Variants in LOXHD1 observed in about 807,000 individuals in gnomAD.
LOXHD1 encodes lipoxygenase homology PLAT domains 1.
A neutral mutation model predicts 248.2 loss-of-function variants in LOXHD1; 205 were observed. The observed-to-expected ratio is 0.83, with a 90% CI of 0.74 to 0.93. The LOEUF (loss-of-function observed/expected upper bound fraction) is 0.93. Ranked by LOEUF, LOXHD1 falls within the 40% of genes least tolerant of loss-of-function variation. LOXHD1 has a pLI of 0.00. For missense variants in LOXHD1, 2,930 were observed against 2,971.6 expected (o/e 0.99, Z 0.33); for synonymous variants, 1,113 against 1,162.8 (o/e 0.96, Z 0.87).
At chr18:46,583,924 G>A (rs1057236261) in intron 12 of LOXHD1, among the ~76,000 whole-genome samples, 13 of 151,838 alleles carry the variant, frequency 8.6e-5, no homozygotes, top group African/African-American at 3.1e-4. Context: ...ACTTACAATA[G>A]CCAAGATATA....
intron 23 of LOXHD1, among the ~76,000 whole-genome samples, chr18:46,544,100 T>A (rs1444294908): frequency 6.6e-6 from 1 of 152,170 alleles, no homozygotes; most frequent in Non-Finnish European, 1.5e-5. Context: ...CCCCAATAAG[T>A]CCCAGCTCTG....
chr18:46,656,672 G>T (rs910759516), intron 1 of LOXHD1, among the ~76,000 whole-genome samples: 2 of 151,550 alleles, frequency 1.3e-5, no homozygotes, highest in Non-Finnish European at 3.0e-5. Context: ...CTGTTCCACT[G>T]AGAATCGGGG....
intron 4 of LOXHD1, among the ~76,000 whole-genome samples, chr18:46,634,242 C>G (rs112018145): frequency 6.6e-6 from 1 of 152,138 alleles, no homozygotes; most frequent in Non-Finnish European, 1.5e-5. Flanking sequence ...TGCTATTCAG[C>G]CTTAAAAAGG....
intron 26 of LOXHD1, among the ~76,000 whole-genome samples, chr18:46,537,659 T>A (rs779559127): frequency 1.1e-4 from 16 of 152,194 alleles, no homozygotes; most frequent in Non-Finnish European, 1.8e-4. Flanking sequence ...AGCACCTCCA[T>A]TGTCAAGACC....
intron 19 of LOXHD1, 89 bp downstream of exon 19, chr18:46,559,994 G>C (rs2037477993): frequency 1.4e-6 from 2 of 1,413,454 alleles, no homozygotes; most frequent in East Asian, 5.0e-5. Flanking sequence ...CACGTGAGGG[G>C]GATCTAGGCC....
At chr18:46,629,502 A>T (rs923129760) in intron 4 of LOXHD1, among the ~76,000 whole-genome samples, 1 of 152,130 alleles carries the variant, frequency 6.6e-6, no homozygotes, top group Non-Finnish European at 1.5e-5. Flanking sequence ...CAATTTGCAC[A>T]TGCCCCTAAT....
chr18:46,594,967 C>T (rs2038235421), intron 8 of LOXHD1, among the ~76,000 whole-genome samples: 2 of 152,198 alleles, frequency 1.3e-5, no homozygotes, highest in Admixed American at 1.3e-4. Flanking sequence ...ATTTTGAACA[C>T]TCACATTATA....
intron 23 of LOXHD1, among the ~76,000 whole-genome samples, chr18:46,543,755 C>T (rs781491405): frequency 3.9e-5 from 6 of 152,104 alleles, no homozygotes; most frequent in Admixed American, 1.3e-4. Context: ...CAAAATCATC[C>T]GGGAGACAGT....
rs145344725 is a variant in LOXHD1 at position 46,562,969 on chromosome 18, G to C, written c.2598+96C>G. 8.9e-5 allele frequency: 122 copies of C among 1,375,768 alleles called. No homozygotes were observed. The Admixed American group carries it at 2.4e-3, about 27-fold the overall frequency. 85.2% of individuals were successfully genotyped at this position (1,375,768 alleles called of 1,614,324 possible). ...AACTGGAGGGAGGCAGCCCATTCTC[G>C]GGTGAGTATTGACTGAGGAAATTAG... On this transcript the variant is annotated intron_variant, in intron 18 of 40. Coordinates refer to ENST00000642948, the MANE Select transcript of LOXHD1 (RefSeq NM_001384474.1).
intron 10 of LOXHD1, among the ~76,000 whole-genome samples, chr18:46,593,214 A>G (rs998876154): frequency 5.3e-5 from 8 of 152,128 alleles, no homozygotes; most frequent in Admixed American, 4.6e-4. Flanking sequence ...AAGTTCTAAA[A>G]TTCATACTTT....
intron 37 of LOXHD1, among the ~76,000 whole-genome samples, chr18:46,496,436 A>G (rs1052286881): frequency 6.6e-6 from 1 of 152,238 alleles, no homozygotes; most frequent in Admixed American, 6.5e-5. Context: ...AGAAATCCCC[A>G]TCTTTATTGT....
intron 37 of LOXHD1, among the ~76,000 whole-genome samples, chr18:46,490,219 G>T (rs4890659): frequency 1.3e-5 from 2 of 152,040 alleles, no homozygotes; most frequent in African/African-American, 4.8e-5. Context: ...TTATATGTCC[G>T]CAAGGAAACT....
In LOXHD1 at chr18:46,477,669, C is replaced by T; in HGVS notation, c.6625G>A (p.Glu2209Lys). Reference protein sequence around the residue: ...ERGSTDRFFLETLELGELRKV... With the variant: ...ERGSTDRFFLKTLELGELRKV... ...CGCAGCTCACCCAGCTCCAGCGTCT[C>T]CAGGAAGAAGCGGTCTGTGCTGCCC... The change falls in exon 41 of 41, where the codon GAG becomes AAG. Residue 2209 changes from glutamate to lysine, a missense_variant. Coordinates refer to ENST00000642948, the MANE Select transcript of LOXHD1 (RefSeq NM_001384474.1). The T allele has an allele frequency of 1.9e-6, 3 of 1,551,872 alleles. No individual in the cohort carries two copies. The highest frequency in any genetic ancestry group is 1.4e-5 in the African/African-American group (1 of 73,200).
chr18:46,584,863 A>T (rs1211006925), intron 12 of LOXHD1, among the ~76,000 whole-genome samples: 1 of 152,194 alleles, frequency 6.6e-6, no homozygotes, highest in African/African-American at 2.4e-5. Flanking sequence ...AGAATTATAC[A>T]TCATGACAAT....
chr18:46,565,197 G>T (rs138357429), intron 17 of LOXHD1, among the ~76,000 whole-genome samples: 2,911 of 151,862 alleles, frequency 0.019, 107 homozygotes, highest in African/African-American at 0.066. Context: ...CCGGGAGGAG[G>T]TTGCAGTGAG....
intron 37 of LOXHD1, among the ~76,000 whole-genome samples, chr18:46,496,617 G>T (rs1248051186): frequency 6.6e-6 from 1 of 152,210 alleles, no homozygotes; most frequent in Non-Finnish European, 1.5e-5. Context: ...ATCTCTGGAG[G>T]AGAAAGTTAC....
intron 29 of LOXHD1, 88 bp from the exon 30 acceptor site, chr18:46,525,005 C>A (rs1205686013): frequency 7.0e-7 from 1 of 1,430,740 alleles, no homozygotes; most frequent in East Asian, 2.5e-5. Context: ...CTTCCTTCCC[C>A]CTCAGTTGCT....
intron 5 of LOXHD1, among the ~76,000 whole-genome samples, chr18:46,616,447 A>G (rs894979390): frequency 1.3e-5 from 2 of 152,066 alleles, no homozygotes; most frequent in African/African-American, 4.8e-5. Context: ...CTCAAATATT[A>G]TTGATTTTAA....
intron 29 of LOXHD1, among the ~76,000 whole-genome samples, chr18:46,528,107 C>T (rs1189843792): frequency 6.6e-6 from 1 of 152,142 alleles, no homozygotes; most frequent in African/African-American, 2.4e-5. Context: ...AAGGGATATG[C>T]CTGGCTGAGG....
Sources: allele counts gnomAD v4.1 joint callset (sites outside exome capture counted in the v4.1 genomes callset), GRCh38; gene constraint gnomAD v4.1.1; transcripts MANE v1.5; gene names NCBI Gene and HGNC (gene_info 2026-07-23, HGNC 2026-07-21).